TUSC3: variants seen among roughly 807,000 people sequenced by gnomAD.
TUSC3 encodes dolichyl-diphosphooligosaccharide--protein glycosyltransferase subunit TUSC3.
Under a neutral mutation model 44.8 loss-of-function variants are expected in TUSC3, and 45 were observed. That is an observed-to-expected ratio of 1.00 (90% confidence interval 0.79 to 1.29). The LOEUF is 1.29. Ranked by LOEUF, TUSC3 falls within the 50% of genes most tolerant of loss-of-function variation. TUSC3 has a pLI of 0.00. For synonymous variants in TUSC3, 212 were observed against 152.9 expected (o/e 1.39, Z -2.85); for missense variants, 519 against 437.9 (o/e 1.19, Z -1.65).
chr8:15,795,369 T>C, the TUSC3 span, among the ~76,000 whole-genome samples: 2,233 of 152,264 alleles, frequency 0.015, 30 homozygotes, highest in East Asian at 0.082. Context: ...CAGGGCAAAG[T>C]TGGCACCACT....
chr8:15,567,889 G>T (rs952383372), intron 1 of TUSC3, among the ~76,000 whole-genome samples: 22 of 152,116 alleles, frequency 1.4e-4, no homozygotes, highest in African/African-American at 5.3e-4. Flanking sequence ...GTTTGCATTT[G>T]GGTTGTTGGT....
intron 1 of TUSC3, among the ~76,000 whole-genome samples, chr8:15,560,278 G>A (rs1318957143): frequency 6.9e-6 from 1 of 144,086 alleles, no homozygotes; most frequent in Non-Finnish European, 1.5e-5. Flanking sequence ...AGTTTGGCTG[G>A]ATATGAAATT....
At chr8:15,594,250 G>T (rs539233075) in intron 1 of TUSC3, among the ~76,000 whole-genome samples, 1 of 152,034 alleles carries the variant, frequency 6.6e-6, no homozygotes, top group Non-Finnish European at 1.5e-5. Context: ...TTCACGTGTT[G>T]TAGTTTTCAT....
At chr8:15,735,417 C>G (rs938192181) in intron 7 of TUSC3, among the ~76,000 whole-genome samples, 3 of 151,922 alleles carry the variant, frequency 2.0e-5, no homozygotes, top group South Asian at 4.2e-4. Flanking sequence ...AATGTTTAGC[C>G]CAAAAAAGTT....
the TUSC3 span, among the ~76,000 whole-genome samples, chr8:15,834,340 A>G: frequency 1.2e-4 from 19 of 152,098 alleles, no homozygotes; most frequent in Non-Finnish European, 1.0e-4. Flanking sequence ...TTACTGTGTC[A>G]TCAATTTCTT....
chr8:15,651,044 T>G (rs1362523691), intron 3 of TUSC3: 5 of 502,902 alleles, frequency 9.9e-6, no homozygotes, highest in Non-Finnish European at 1.8e-5. Context: ...ATTCAATAGG[T>G]TAGTAAATAC....
At chr8:15,720,381 A>G (rs577843365) in intron 6 of TUSC3, among the ~76,000 whole-genome samples, 22 of 152,204 alleles carry the variant, frequency 1.4e-4, no homozygotes, top group Admixed American at 9.8e-4. Context: ...GGGCAGCCTC[A>G]ACCAGTAACA....
chr8:15,715,716 T>G (rs907463723), intron 6 of TUSC3, among the ~76,000 whole-genome samples: 1 of 151,936 alleles, frequency 6.6e-6, no homozygotes, highest in Admixed American at 6.6e-5. Flanking sequence ...AAAAATTATT[T>G]CACATTTTTC....
At chr8:15,488,234 G>C (rs893408603) in intron 2 of TUSC3, among the ~76,000 whole-genome samples, 4 of 151,762 alleles carry the variant, frequency 2.6e-5, no homozygotes, top group African/African-American at 9.7e-5. Flanking sequence ...GGCTGTGTGT[G>C]GTGGCTCAGA....
chr8:15,581,865 T>A (rs1437652020), intron 1 of TUSC3, among the ~76,000 whole-genome samples: 1 of 126,342 alleles, frequency 7.9e-6, no homozygotes, highest in Admixed American at 7.6e-5. Context: ...GCTTCCCGTT[T>A]ACCTAATCAA....
intron 1 of TUSC3, among the ~76,000 whole-genome samples, chr8:15,442,148 T>C (rs1801122633): frequency 6.6e-6 from 1 of 152,278 alleles, no homozygotes; most frequent in Middle Eastern, 3.4e-3. Flanking sequence ...GGATTTTTTT[T>C]CTTCATTCTT....
chr8:15,545,563 G>C (rs564456625), intron 1 of TUSC3, among the ~76,000 whole-genome samples: 2 of 151,848 alleles, frequency 1.3e-5, no homozygotes, highest in East Asian at 3.9e-4. Flanking sequence ...TTAGCAAGTT[G>C]TGTTAGAAAC....
chr8:15,564,235 A>G (rs963949218), intron 1 of TUSC3, among the ~76,000 whole-genome samples: 1 of 152,134 alleles, frequency 6.6e-6, no homozygotes, highest in Non-Finnish European at 1.5e-5. Context: ...TATTAATATT[A>G]TGGAGAATAG....
intron 10 of TUSC3, chr8:15,758,134 C>T (rs1812009308): frequency 8.7e-7 from 1 of 1,150,914 alleles, no homozygotes; most frequent in Non-Finnish European, 1.1e-6. Flanking sequence ...TTCTTAACTT[C>T]TGTTTGTTAT....
At chr8:15,759,995 G>C (rs2129224064) in intron 10 of TUSC3, among the ~76,000 whole-genome samples, 1 of 152,104 alleles carries the variant, frequency 6.6e-6, no homozygotes, top group South Asian at 2.1e-4. Context: ...TTGCTGTCTT[G>C]AGTACCTTGT....
intron 6 of TUSC3, among the ~76,000 whole-genome samples, chr8:15,687,392 A>G (rs957604124): frequency 1.1e-4 from 16 of 152,272 alleles, no homozygotes; most frequent in Admixed American, 4.6e-4. Flanking sequence ...CCTCAGCACC[A>G]TGGTCATTTT....
chr8:15,673,059 A>T (rs544069911), intron 5 of TUSC3, among the ~76,000 whole-genome samples: 1 of 152,194 alleles, frequency 6.6e-6, no homozygotes, highest in African/African-American at 2.4e-5. Flanking sequence ...CTGACACCTC[A>T]GTTATACTGA....
chr8:15,738,460 A>C (rs1179152674), intron 7 of TUSC3, among the ~76,000 whole-genome samples: 1 of 152,168 alleles, frequency 6.6e-6, no homozygotes, highest in Non-Finnish European at 1.5e-5. Context: ...TTTGTAAATA[A>C]AGTTTTATTG....
chr8:15,417,867 G>C (rs1261026415), intron 1 of TUSC3, among the ~76,000 whole-genome samples: 2 of 152,100 alleles, frequency 1.3e-5, no homozygotes, highest in Non-Finnish European at 2.9e-5. Flanking sequence ...TCAGTATGGA[G>C]CTGTCTTAAT....
Sources: allele counts gnomAD v4.1 joint callset (sites outside exome capture counted in the v4.1 genomes callset), GRCh38; gene constraint gnomAD v4.1.1; transcripts MANE v1.5; gene names NCBI Gene and HGNC (gene_info 2026-07-23, HGNC 2026-07-21).